MAP3K13: variants seen among roughly 807,000 people sequenced by gnomAD.
The protein encoded by MAP3K13 is leucine zipper-bearing kinase.
A neutral mutation model predicts 104.0 loss-of-function variants in MAP3K13; 52 were observed. The observed-to-expected ratio is 0.50, with a 90% CI of 0.40 to 0.63. The LOEUF (loss-of-function observed/expected upper bound fraction) is 0.63. Among genes scored for constraint, MAP3K13 ranks in the 20% least tolerant of loss-of-function variants. MAP3K13 has a pLI of 0.00. For synonymous variants in MAP3K13, 394 were observed against 442.2 expected (o/e 0.89, Z 1.37); for missense variants, 914 against 1,218.5 (o/e 0.75, Z 3.72).
At chr3:185,340,893 G>A (rs1396178426) in intron 2 of MAP3K13, among the ~76,000 whole-genome samples, 1 of 152,150 alleles carries the variant, frequency 6.6e-6, no homozygotes, top group Non-Finnish European at 1.5e-5. Context: ...GCGGAACTGT[G>A]AGTCAGTTAA....
rs749288252 is a variant in MAP3K13 at position 185,442,038 on chromosome 3, C to CAA, written c.660-1390_660-1389dup. Among the ~76,000 whole-genome samples the CAA allele has an allele frequency of 7.2e-3, 779 of 107,450 alleles. 8 individuals are homozygous for CAA. The highest frequency in any genetic ancestry group is 0.024 in the African/African-American group (664 of 27,506). 70.5% of individuals were successfully genotyped at this position (107,450 alleles called of 152,430 possible). ...CCTGGGTGACAGAGCGACTCTGTCT[C>CAA]AAAAAAAAAAAAAAAAAATTAGCCT... On this transcript the variant is annotated intron_variant, in intron 3 of 13. Coordinates refer to ENST00000265026, the MANE Select transcript of MAP3K13 (RefSeq NM_004721.5).
chr3:185,398,386 A>G (rs1712552576), intron 1 of MAP3K13, among the ~76,000 whole-genome samples: 1 of 152,218 alleles, frequency 6.6e-6, no homozygotes. Context: ...AAGGCAGATG[A>G]GCAGCCTCTT....
At chr3:185,387,150 A>G (rs1015025519) in intron 1 of MAP3K13, among the ~76,000 whole-genome samples, 1 of 152,162 alleles carries the variant, frequency 6.6e-6, no homozygotes, top group Non-Finnish European at 1.5e-5. Context: ...CATAGTTTGG[A>G]TATGGTTTAT....
At chr3:185,323,944 G>A (rs1001553127) in intron 2 of MAP3K13, among the ~76,000 whole-genome samples, 2 of 152,090 alleles carry the variant, frequency 1.3e-5, no homozygotes, top group African/African-American at 4.8e-5. Context: ...TTAAGATGAC[G>A]TCATTGTACT....
Position 185,482,240 on chromosome 3 carries a change from TC to T in MAP3K13, c.2800-114del. The T allele has an allele frequency of 1.4e-6, 1 of 724,522 alleles. No individual in the cohort carries two copies. The highest frequency in any genetic ancestry group is 2.5e-5 in the East Asian group (1 of 40,620). 44.9% of individuals were successfully genotyped at this position (724,522 alleles called of 1,614,324 possible). A position where few individuals can be genotyped will look rare whatever the true frequency, so the allele number is the denominator to read the frequency against. On this transcript the variant is annotated intron_variant, in intron 13 of 13. Transcript: ENST00000265026. This position sits in a 1 kb window ranked among gnomAD's most constrained non-coding sequence, Gnocchi z 4.5. ...AGTCCCACAAGGACAGGACCTGGTC[TC>T]GTTTACCTTTGTAGCCCCCTTACCA...
intron 1 of MAP3K13, among the ~76,000 whole-genome samples, chr3:185,391,961 T>C (rs1316004770): frequency 6.6e-6 from 1 of 152,130 alleles, no homozygotes; most frequent in Non-Finnish European, 1.5e-5. Context: ...TAGGTCATAG[T>C]CCTTGAGAAG....
rs1715828312 is a variant in MAP3K13, at chr3:185,450,635, T to TA, written c.1169+583dup. On this transcript the variant is annotated intron_variant, in intron 6 of 13. Transcript: ENST00000265026. The surrounding 1 kb of genome is among the most constrained non-coding windows in gnomAD (Gnocchi z 4.2). The stretch of plus-strand genomic sequence containing the variant: ...AACATAAAATAAAATAAAATATAAA[T>TA]AAAAAACTGTACTGCAGGGCCAGGC... 6.6e-6 allele frequency among the ~76,000 whole-genome samples: 1 copy of TA among 150,580 alleles called. No individual in the cohort carries two copies. The highest frequency in any genetic ancestry group is 6.6e-5 in the Admixed American group (1 of 15,090).
chr3:185,396,277 G>A (rs568798106), intron 1 of MAP3K13, among the ~76,000 whole-genome samples: 1 of 152,236 alleles, frequency 6.6e-6, no homozygotes, highest in South Asian at 2.1e-4. Context: ...AGGCTAAGCA[G>A]GAGAATTGCA....
chr3:185,410,536 G>T (rs1240772045), intron 1 of MAP3K13, among the ~76,000 whole-genome samples: 1 of 152,098 alleles, frequency 6.6e-6, no homozygotes, highest in Non-Finnish European at 1.5e-5. Context: ...TGTTCAAGAT[G>T]ATGTATATGC....
At chr3:185,383,778 C>A (rs930933847) in intron 1 of MAP3K13, among the ~76,000 whole-genome samples, 1 of 152,024 alleles carries the variant, frequency 6.6e-6, no homozygotes, top group Non-Finnish European at 1.5e-5. Flanking sequence ...TCTTTTATGG[C>A]AACACAAAGA....
intron 2 of MAP3K13, among the ~76,000 whole-genome samples, chr3:185,318,498 C>T (rs1181968717): frequency 2.6e-5 from 4 of 152,212 alleles, no homozygotes; most frequent in Non-Finnish European, 5.9e-5. Flanking sequence ...CCTAGGCTGG[C>T]AGTTTATTCA....
chr3:185,456,571 G>A (rs1418093766), intron 7 of MAP3K13, among the ~76,000 whole-genome samples: 2 of 150,572 alleles, frequency 1.3e-5, no homozygotes, highest in African/African-American at 2.4e-5. Flanking sequence ...TTTAAGATAT[G>A]GTTGCAATCA....
intron 2 of MAP3K13, among the ~76,000 whole-genome samples, chr3:185,432,185 CTTTT>C (rs11407161): frequency 1.4e-4 from 13 of 90,112 alleles, no homozygotes; most frequent in African/African-American, 5.1e-4. Context: ...TTTCTAATTG[CTTTT>C]TTTTTTTTTT....
intron 1 of MAP3K13, among the ~76,000 whole-genome samples, chr3:185,410,359 G>A (rs1368159412): frequency 2.0e-5 from 3 of 152,192 alleles, no homozygotes; most frequent in Admixed American, 1.3e-4. Context: ...AGGATAGACA[G>A]GGAGGGATTT....
intron 2 of MAP3K13, among the ~76,000 whole-genome samples, chr3:185,288,666 G>A (rs578085260): frequency 5.9e-5 from 9 of 152,130 alleles, no homozygotes; most frequent in South Asian, 4.1e-4. Flanking sequence ...ATGATTTTGC[G>A]AGTAGCTTAA....
At chr3:185,440,326 G>A (rs1034686141) in intron 3 of MAP3K13, among the ~76,000 whole-genome samples, 3 of 152,132 alleles carry the variant, frequency 2.0e-5, no homozygotes, top group Middle Eastern at 3.2e-3. Flanking sequence ...TAAAAGGTGC[G>A]TAAGATCACT....
At chr3:185,475,628 G>A (rs1402718643) in intron 11 of MAP3K13, among the ~76,000 whole-genome samples, 2 of 152,042 alleles carry the variant, frequency 1.3e-5, no homozygotes, top group African/African-American at 4.8e-5. Context: ...AAGGCGGGTG[G>A]AACACCTGAG....
chr3:185,436,906 C>T (rs1338315034), intron 2 of MAP3K13, among the ~76,000 whole-genome samples: 1 of 140,020 alleles, frequency 7.1e-6, no homozygotes, highest in Non-Finnish European at 1.5e-5. Flanking sequence ...GAGGCTGAGG[C>T]AGGAGAATTG....
intron 2 of MAP3K13, among the ~76,000 whole-genome samples, chr3:185,301,663 A>C (rs1721115711): frequency 6.6e-6 from 1 of 152,214 alleles, no homozygotes. Context: ...TTTGTATGGC[A>C]AGGGTCCAAC....
Sources: allele counts gnomAD v4.1 joint callset (sites outside exome capture counted in the v4.1 genomes callset), GRCh38; gene constraint gnomAD v4.1.1; non-coding constraint Gnocchi (gnomAD v3.1); transcripts MANE v1.5; gene names NCBI Gene and HGNC (gene_info 2026-07-23, HGNC 2026-07-21).